LRRC7: variants seen among roughly 807,000 people sequenced by gnomAD.
The protein encoded by LRRC7 is leucine-rich repeat-containing protein 7.
In LRRC7, 23 loss-of-function variants were observed where a neutral mutation model predicts 175.7. The observed-to-expected ratio is 0.13, with a 90% confidence interval of 0.09 to 0.19. LRRC7 has a LOEUF of 0.19. Ranked by LOEUF, LRRC7 falls within the 10% of genes least tolerant of loss-of-function variation. The pLI is 1.00. For missense variants in LRRC7, 1,354 were observed against 1,904.7 expected (o/e 0.71, Z 5.38); for synonymous variants, 685 against 680.9 (o/e 1.01, Z -0.09).
intron 1 of LRRC7, among the ~76,000 whole-genome samples, chr1:69,599,000 A>G (rs925653047): frequency 6.6e-6 from 1 of 152,228 alleles, no homozygotes; most frequent in African/African-American, 2.4e-5. Context: ...TGACAAATGA[A>G]ACGTAATAAT....
At chr1:69,718,142 G>GAGAAAGAA (rs761585823) in intron 2 of LRRC7, among the ~76,000 whole-genome samples, 4,684 of 73,764 alleles carry the variant, frequency 0.063, 259 homozygotes, top group Middle Eastern at 0.073. Context: ...AAGAAAGAGA[G>GAGAAAGAA]AGAAAGAAAG....
chr1:69,916,559 G>A (rs1646724055), intron 7 of LRRC7, among the ~76,000 whole-genome samples: 1 of 151,768 alleles, frequency 6.6e-6, no homozygotes, highest in Non-Finnish European at 1.5e-5. Context: ...AGGCCTGTCA[G>A]GATTTTTCAT....
chr1:69,802,662 T>C (rs1274424749), intron 4 of LRRC7, among the ~76,000 whole-genome samples: 2 of 151,416 alleles, frequency 1.3e-5, no homozygotes, highest in East Asian at 1.9e-4. Context: ...TTCATGTTGC[T>C]TAATCCATAC....
intron 18 of LRRC7, among the ~76,000 whole-genome samples, chr1:70,030,961 G>A (rs2102003115): frequency 6.6e-6 from 1 of 152,240 alleles, no homozygotes; most frequent in East Asian, 1.9e-4. Context: ...GTTTGCATTT[G>A]CCTTTTCCCC....
intron 1 of LRRC7, among the ~76,000 whole-genome samples, chr1:69,597,467 G>A (rs1454102797): frequency 6.6e-6 from 1 of 152,080 alleles, no homozygotes; most frequent in African/African-American, 2.4e-5. Context: ...ATTACATACG[G>A]TTTTCCCACT....
chr1:69,871,455 C>T (rs1314163711), intron 7 of LRRC7, among the ~76,000 whole-genome samples: 1 of 151,764 alleles, frequency 6.6e-6, no homozygotes, highest in Non-Finnish European at 1.5e-5. Flanking sequence ...TTCAAAAATG[C>T]ACCGAATGCA....
At chr1:69,864,957 C>T (rs1004519325) in intron 7 of LRRC7, among the ~76,000 whole-genome samples, 1 of 152,014 alleles carries the variant, frequency 6.6e-6, no homozygotes, top group Non-Finnish European at 1.5e-5. Flanking sequence ...CATAAGGGCA[C>T]AAAGATTGCT....
Position 69,568,472 on chromosome 1 carries a change from A to C in LRRC7, c.-168A>C, listed in dbSNP as rs1570205343. ...ATGGTCTAACGTGGCACCTTCCTGG[A>C]TTCCCCTCTATCTCCTGTTCTTCCT... On this transcript the variant is annotated 5_prime_UTR_variant, in exon 1 of 27. Coordinates refer to ENST00000651989, the MANE Select transcript of LRRC7 (RefSeq NM_001370785.2). 267 of 373,216 alleles carry C rather than the reference A, an allele frequency of 7.2e-4. No homozygotes were observed. Among genetic ancestry groups the C allele is most frequent in the Non-Finnish European group, 1.2e-3 (242 of 200,226 alleles). The allele number at this position is 373,216 out of a possible 1,614,324, so 23.1% of individuals were successfully genotyped here. A position where few individuals can be genotyped will look rare whatever the true frequency, so the allele number is the denominator to read the frequency against.
intron 8 of LRRC7, among the ~76,000 whole-genome samples, chr1:69,961,398 C>T (rs1301412540): frequency 1.3e-5 from 2 of 152,142 alleles, no homozygotes; most frequent in African/African-American, 4.8e-5. Flanking sequence ...ACTAAAATGG[C>T]CACACTGCCC....
chr1:69,717,985 G>T, intron 2 of LRRC7, among the ~76,000 whole-genome samples: 1 of 139,562 alleles, frequency 7.2e-6, no homozygotes, highest in Admixed American at 7.3e-5. Flanking sequence ...GAAAGAAAGA[G>T]GAGGGAGAGA....
rs534429963 is a variant in LRRC7, at chr1:69,757,781, T to C, written c.101-2410T>C. ...CAAGAAGCATGAACAATTGATTTAT[T>C]ATTCCTCTGTGGATACAGAAGCAAA... On this transcript the variant is annotated intron_variant, in intron 2 of 26. Coordinates refer to ENST00000651989, the MANE Select transcript of LRRC7 (RefSeq NM_001370785.2). Among the ~76,000 whole-genome samples, 35 of 152,014 alleles carry C rather than the reference T, an allele frequency of 2.3e-4. 1 individual carries two copies. Among genetic ancestry groups the C allele is most frequent in the Non-Finnish European group, 5.0e-4 (34 of 67,924 alleles).
chr1:69,905,148 A>T (rs913697411), intron 7 of LRRC7, among the ~76,000 whole-genome samples: 1 of 152,106 alleles, frequency 6.6e-6, no homozygotes, highest in Non-Finnish European at 1.5e-5. Context: ...CTGTGATGAA[A>T]ATACACATGC....
intron 4 of LRRC7, among the ~76,000 whole-genome samples, chr1:69,820,734 G>T (rs578031764): frequency 1.3e-5 from 2 of 152,204 alleles, no homozygotes; most frequent in African/African-American, 4.8e-5. Context: ...GTGTATATGT[G>T]GCACATTTTC....
chr1:69,795,343 C>G (rs906218819), intron 4 of LRRC7, among the ~76,000 whole-genome samples: 5 of 149,488 alleles, frequency 3.3e-5, no homozygotes, highest in Admixed American at 2.7e-4. Context: ...CCACTGCACT[C>G]TAGCCTGGAC....
chr1:69,826,128 A>C (rs1201368293), intron 5 of LRRC7, among the ~76,000 whole-genome samples: 1 of 152,182 alleles, frequency 6.6e-6, no homozygotes, highest in Non-Finnish European at 1.5e-5. Context: ...AACAGTTATT[A>C]GTAATGGTCA....
chr1:69,603,156 C>T (rs1230057714), intron 1 of LRRC7, among the ~76,000 whole-genome samples: 2 of 152,068 alleles, frequency 1.3e-5, no homozygotes, highest in Non-Finnish European at 2.9e-5. Flanking sequence ...TACATGGATA[C>T]TTATGATTGG....
chr1:69,691,505 G>A (rs1661857034), intron 2 of LRRC7, among the ~76,000 whole-genome samples: 1 of 151,958 alleles, frequency 6.6e-6, no homozygotes, highest in South Asian at 2.1e-4. Context: ...GAATTATAAA[G>A]GATACAACTT....
chr1:69,932,342 CT>C (rs1647470695), intron 8 of LRRC7, among the ~76,000 whole-genome samples: 1 of 152,122 alleles, frequency 6.6e-6, no homozygotes, highest in African/African-American at 2.4e-5. Context: ...AGCTATGTGA[CT>C]TTGTGCAAGT....
intron 2 of LRRC7, among the ~76,000 whole-genome samples, chr1:69,705,338 T>C (rs1663897677): frequency 6.6e-6 from 1 of 152,122 alleles, no homozygotes; most frequent in Non-Finnish European, 1.5e-5. Context: ...ACAGCAGAGC[T>C]CTTAAAGCTT....
Sources: gnomAD v4.1 joint callset for allele counts (sites outside exome capture counted in the v4.1 genomes callset) on GRCh38, gnomAD v4.1.1 for gene constraint, MANE v1.5 for transcripts, NCBI Gene and HGNC (gene_info 2026-07-23, HGNC 2026-07-21) for gene names.